Variants in HMGCS1 observed in about 807,000 individuals in gnomAD.
HMGCS1 encodes hydroxymethylglutaryl-CoA synthase, cytoplasmic.
HMGCS1 carries 9 observed loss-of-function variants against 52.3 expected under a neutral mutation model. The ratio of observed to expected loss-of-function variants is 0.17; its 90% confidence interval spans 0.10 to 0.30. The LOEUF (loss-of-function observed/expected upper bound fraction) is 0.30, where lower values mean the gene tolerates loss of function less well. Among genes scored for constraint, HMGCS1 ranks in the 10% least tolerant of loss-of-function variants. The pLI is 1.00. For missense variants in HMGCS1, 320 were observed against 620.9 expected (o/e 0.52, Z 5.15); for synonymous variants, 176 against 214.4 (o/e 0.82, Z 1.57).
At chr5:43,293,633 T>C (rs1338394092) in intron 8 of HMGCS1, 1 of 152,096 alleles carries the variant, frequency 6.6e-6, no homozygotes, top group Non-Finnish European at 1.5e-5. Context: ...AAGACTAAAA[T>C]ATTGTAATGA....
At chr5:43,306,688 T>C (rs7701391) in intron 2 of HMGCS1, among the ~76,000 whole-genome samples, 84,962 of 151,600 alleles carry the variant, frequency 0.56, 24,312 homozygotes, top group Middle Eastern at 0.72. Context: ...ATCTTTAACA[T>C]TGCTGGTCCC....
intron 10 of HMGCS1, among the ~76,000 whole-genome samples, chr5:43,292,160 T>C (rs1350661057): frequency 6.6e-6 from 1 of 151,948 alleles, no homozygotes; most frequent in Non-Finnish European, 1.5e-5. Flanking sequence ...GCCCAACTAA[T>C]TTTTGTATTT....
intron 2 of HMGCS1, among the ~76,000 whole-genome samples, chr5:43,303,355 T>C (rs151076257): frequency 5.1e-4 from 78 of 152,302 alleles, no homozygotes; most frequent in Non-Finnish European, 8.7e-4. Flanking sequence ...AGTGCTCTTA[T>C]AAGAAGATAA....
chr5:43,303,920 A>G (rs2111710913), intron 2 of HMGCS1, among the ~76,000 whole-genome samples: 1 of 152,306 alleles, frequency 6.6e-6, no homozygotes, highest in African/African-American at 2.4e-5. Context: ...TGTGTCTACA[A>G]CTCAGATGGA....
intron 10 of HMGCS1, among the ~76,000 whole-genome samples, chr5:43,291,891 C>T (rs1190035333): frequency 6.6e-6 from 1 of 151,918 alleles, no homozygotes; most frequent in African/African-American, 2.4e-5. Flanking sequence ...TACTCCATCT[C>T]TCACAAAGAC....
chr5:43,294,895 A>T (rs770841470), intron 6 of HMGCS1, 34 bp from the exon 7 acceptor site: 12 of 1,433,120 alleles, frequency 8.4e-6, no homozygotes, highest in Middle Eastern at 1.8e-4. Flanking sequence ...TACAGTGTTT[A>T]AAGCCTATGT....
Position 43,291,091 on chromosome 5 carries a change from T to TTCCCCCCCC in HMGCS1, c.*39_*40insGGGGGGGGA. The TTCCCCCCCC allele has an allele frequency of 9.2e-6, 5 of 541,864 alleles. No homozygotes were observed. The highest frequency in any genetic ancestry group is 1.5e-5 in the South Asian group (1 of 67,700). The allele number at this position is 541,864 out of a possible 1,614,324, so 33.6% of individuals were successfully genotyped here. ...CAACTGTTCCCATACCCCCACCCCA[T>TTCCCCCCCC]GCCCACCCCACCCTGAAGTCTTGCA... On this transcript the variant is annotated 3_prime_UTR_variant, in exon 11 of 11. Transcript: ENST00000325110.
At chr5:43,297,641 T>C (rs1208001999) in intron 4 of HMGCS1, among the ~76,000 whole-genome samples, 2 of 151,700 alleles carry the variant, frequency 1.3e-5, no homozygotes, top group Non-Finnish European at 2.9e-5. Context: ...AGGAATTCGA[T>C]GCCAGCCTGG....
chr5:43,312,087 G>C (rs546911038), intron 1 of HMGCS1, among the ~76,000 whole-genome samples: 2 of 152,148 alleles, frequency 1.3e-5, no homozygotes, highest in South Asian at 4.1e-4. Flanking sequence ...CAAGTGCAAA[G>C]AACTACTGAC....
At chr5:43,308,732 T>C (rs1278349047) in intron 1 of HMGCS1, among the ~76,000 whole-genome samples, 2 of 152,214 alleles carry the variant, frequency 1.3e-5, no homozygotes, top group African/African-American at 4.8e-5. Context: ...ATTTAATTAC[T>C]GGCAAATTTA....
intron 1 of HMGCS1, among the ~76,000 whole-genome samples, chr5:43,309,992 G>A (rs913042688): frequency 6.6e-6 from 1 of 152,204 alleles, no homozygotes; most frequent in Non-Finnish European, 1.5e-5. Flanking sequence ...GAAGTGGTTG[G>A]AGAAGTTCAT....
At chr5:43,294,900 C>T in intron 6 of HMGCS1, 39 bp from the exon 7 acceptor site, 2 of 1,393,312 alleles carry the variant, frequency 1.4e-6, no homozygotes, top group East Asian at 2.3e-5. Flanking sequence ...TGTTTAAAGC[C>T]TATGTTTTTA....
chr5:43,311,725 G>A (rs1260528005), intron 1 of HMGCS1, among the ~76,000 whole-genome samples: 2 of 152,178 alleles, frequency 1.3e-5, no homozygotes, highest in Non-Finnish European at 2.9e-5. Context: ...GAAACAAGAT[G>A]TAAAAGCAAT....
intron 2 of HMGCS1, among the ~76,000 whole-genome samples, chr5:43,303,437 C>G (rs1275746497): frequency 6.6e-6 from 1 of 152,236 alleles, no homozygotes; most frequent in Non-Finnish European, 1.5e-5. Flanking sequence ...GGAGGAGAGC[C>G]CTGATCGGGA....
intron 1 of HMGCS1, among the ~76,000 whole-genome samples, chr5:43,310,522 G>A (rs145331341): frequency 2.7e-4 from 41 of 152,194 alleles, no homozygotes; most frequent in African/African-American, 7.2e-5. Context: ...GTACTCAAAT[G>A]TCACATTTTT....
At chr5:43,297,863 A>C (rs995688092) in intron 4 of HMGCS1, 146 bp downstream of exon 4, 27 of 623,124 alleles carry the variant, frequency 4.3e-5, no homozygotes, top group South Asian at 2.2e-4. Flanking sequence ...AGAAAAAAAA[A>C]CATAAATATG....
chr5:43,305,737 G>A (rs929016538), intron 2 of HMGCS1, among the ~76,000 whole-genome samples: 12 of 146,736 alleles, frequency 8.2e-5, no homozygotes, highest in Non-Finnish European at 1.0e-4. Flanking sequence ...AGCCAAGATC[G>A]TGCCACTGCA....
intron 8 of HMGCS1, 154 bp downstream of exon 8, chr5:43,293,902 T>G: frequency 7.3e-6 from 4 of 545,544 alleles, no homozygotes; most frequent in Non-Finnish European, 6.7e-6. Flanking sequence ...TTAGTAGAGA[T>G]GGGGTTTCAG....
chr5:43,288,470 C>G lies in HMGCS1; in HGVS notation c.*2661G>C, dbSNP rs1261003590. 2 of 152,134 alleles carry G rather than the reference C, an allele frequency of 1.3e-5. No homozygotes were observed. Among genetic ancestry groups the G allele is most frequent in the African/African-American group, 4.8e-5 (2 of 41,416 alleles). The allele number at this position is 152,134 out of a possible 1,614,324, so 9.4% of individuals were successfully genotyped here. ...CTTTCAGGACACTCCAAACAGCAGACAAGAGATAAAGTGTTTCAACTGTGT... is the reference window on the plus strand; with the variant it reads ...CTTTCAGGACACTCCAAACAGCAGAGAAGAGATAAAGTGTTTCAACTGTGT... On this transcript the variant is annotated 3_prime_UTR_variant, in exon 11 of 11. Coordinates refer to ENST00000325110, the MANE Select transcript of HMGCS1 (RefSeq NM_001098272.3).
Sources: allele counts gnomAD v4.1 joint callset (sites outside exome capture counted in the v4.1 genomes callset), GRCh38; gene constraint gnomAD v4.1.1; transcripts MANE v1.5; gene names NCBI Gene and HGNC (gene_info 2026-07-23, HGNC 2026-07-21).